Variants in HHLA2 observed in about 807,000 individuals in gnomAD.
HHLA2 encodes the protein HHLA2 member of B7 family.
HHLA2 carries 48 observed loss-of-function variants against 45.9 expected under a neutral mutation model. The observed-to-expected ratio is 1.05, with a 90% CI of 0.83 to 1.33. The LOEUF (loss-of-function observed/expected upper bound fraction) is 1.33, where lower values mean the gene tolerates loss of function less well. HHLA2 is among the 40% of genes most tolerant of loss of function. The pLI is 0.00. For missense variants in HHLA2, 462 were observed against 494.3 expected, an observed-to-expected ratio of 0.93 and a Z score of 0.62; for synonymous variants, 161 against 173.9, an observed-to-expected ratio of 0.93 and a Z score of 0.59.
At chr3:108,335,359 A>G (rs1467224924) in intron 3 of HHLA2, among the ~76,000 whole-genome samples, 1 of 152,174 alleles carries the variant, frequency 6.6e-6, no homozygotes, top group Admixed American at 6.5e-5. Context: ...TCCCTTTAAC[A>G]AGCTATTGAG....
chr3:108,376,518 G>A (rs2124736), exon 10 of HHLA2: 343,665 of 1,609,372 alleles, frequency 0.21, 41,128 homozygotes, highest in Non-Finnish European at 0.24. Context: ...CTCCTGGTGA[G>A]CGCTGTCCCA....
chr3:108,327,071 C>T (rs1012586458), intron 2 of HHLA2, among the ~76,000 whole-genome samples: 1 of 152,114 alleles, frequency 6.6e-6, no homozygotes, highest in African/African-American at 2.4e-5. Flanking sequence ...ATTTTTGCTA[C>T]AATTTTGGGT....
exon 11 of HHLA2, chr3:108,377,682 T>A (rs1346427417): frequency 6.1e-6 from 1 of 164,292 alleles, no homozygotes; most frequent in African/African-American, 2.4e-5. Flanking sequence ...AGAGCCAAAG[T>A]CACCTTAGTG....
intron 3 of HHLA2, among the ~76,000 whole-genome samples, chr3:108,338,454 G>A (rs917143616): frequency 1.3e-5 from 2 of 151,790 alleles, no homozygotes; most frequent in African/African-American, 4.8e-5. Flanking sequence ...ATGAGGACAT[G>A]CTTGTTGGGG....
chr3:108,372,790 T>C (rs903274040), intron 8 of HHLA2, among the ~76,000 whole-genome samples: 2 of 152,216 alleles, frequency 1.3e-5, no homozygotes, highest in African/African-American at 2.4e-5. Flanking sequence ...AGAAGTTGAA[T>C]CTCTGAATAG....
intron 8 of HHLA2, among the ~76,000 whole-genome samples, chr3:108,366,680 C>T (rs956169026): frequency 4.6e-5 from 7 of 152,094 alleles, no homozygotes; most frequent in South Asian, 2.1e-4. Context: ...TTCAGAGATT[C>T]GACTTCTTCC....
At chr3:108,364,898 C>T (rs114467525) in intron 8 of HHLA2, among the ~76,000 whole-genome samples, 12,097 of 152,124 alleles carry the variant, frequency 0.08, 663 homozygotes, top group African/African-American at 0.16. Flanking sequence ...GGATATTAGA[C>T]TTTTGTCAGA....
At chr3:108,374,604 A>G (rs2082239577) in intron 8 of HHLA2, among the ~76,000 whole-genome samples, 1 of 152,002 alleles carries the variant, frequency 6.6e-6, no homozygotes, top group African/African-American at 2.4e-5. Context: ...AATAACCAGA[A>G]TCTACAATGA....
intron 2 of HHLA2, among the ~76,000 whole-genome samples, chr3:108,312,530 G>A (rs1251316784): frequency 1.3e-5 from 2 of 152,072 alleles, no homozygotes; most frequent in East Asian, 1.9e-4. Context: ...ATTTACCTTT[G>A]CCCAGAGATG....
chr3:108,333,248 T>A (rs1386922616), intron 3 of HHLA2, among the ~76,000 whole-genome samples: 1 of 152,130 alleles, frequency 6.6e-6, no homozygotes, highest in Non-Finnish European at 1.5e-5. Flanking sequence ...AGTCACATAG[T>A]CATTAAGTAG....
chr3:108,308,296 C>CATA (rs1296701000), intron 1 of HHLA2, among the ~76,000 whole-genome samples: 2 of 152,192 alleles, frequency 1.3e-5, no homozygotes, highest in Non-Finnish European at 2.9e-5. Context: ...TTTCACTTAA[C>CATA]ATAATAATCT....
chr3:108,331,376 G>T (rs2081383090), intron 3 of HHLA2, among the ~76,000 whole-genome samples: 1 of 152,090 alleles, frequency 6.6e-6, no homozygotes, highest in Admixed American at 6.5e-5. Flanking sequence ...TTCATCCATT[G>T]TTAATATTTT....
At chr3:108,306,377 C>A (rs1181264755) in intron 1 of HHLA2, among the ~76,000 whole-genome samples, 1 of 152,052 alleles carries the variant, frequency 6.6e-6, no homozygotes, top group Admixed American at 6.6e-5. Flanking sequence ...TATCTCTTTT[C>A]CTGAGTGAAA....
chr3:108,355,411 G>A lies in HHLA2; in HGVS notation c.685+30G>A, dbSNP rs758871484. On this transcript the variant is annotated intron_variant, in intron 6 of 10. Transcript: ENST00000619531. ...GCTCCACAGGACTTTCTGTGTACAC[G>A]TGCTGTTTCAAAGTTGGGGGGTAAT... The A allele has an allele frequency of 1.9e-5, 30 of 1,588,358 alleles. 1 individual carries two copies. In the East Asian group the frequency reaches 4.7e-4, roughly 25 times the overall value.
chr3:108,364,197 A>G (rs1299784937), intron 8 of HHLA2, among the ~76,000 whole-genome samples: 1 of 151,954 alleles, frequency 6.6e-6, no homozygotes, highest in African/African-American at 2.4e-5. Flanking sequence ...CCTGTGTCCA[A>G]GTGATCTCAT....
At chr3:108,328,252 C>G in intron 2 of HHLA2, 1 of 1,293,490 alleles carries the variant, frequency 7.7e-7, no homozygotes, top group Non-Finnish European at 1.0e-6. Flanking sequence ...TCACCTTAAT[C>G]TAATTTTATC....
In HHLA2 at chr3:108,353,533, C is replaced by T. The variant is rs370821029; in HGVS notation, c.171C>T (p.Ser57=). Residue 57 remains serine, a synonymous_variant, in exon 5 of 11, where the codon TCC becomes TCT. Transcript: ENST00000619531. Reference sequence around the variant, plus strand: ...TCCCTTCTTCATTTGAGAGGGGATCCGAAGTCGTAATACACTGGAAGTATC... The same window carrying T: ...TCCCTTCTTCATTTGAGAGGGGATCTGAAGTCGTAATACACTGGAAGTATC... The T allele has an allele frequency of 2.2e-5, 36 of 1,612,714 alleles. No individual in the cohort carries two copies. The African/African-American group carries it at 3.5e-4, about 16-fold the overall frequency.
chr3:108,360,852 A>G (rs1357844970), intron 7 of HHLA2, among the ~76,000 whole-genome samples: 2 of 152,250 alleles, frequency 1.3e-5, no homozygotes, highest in Admixed American at 6.5e-5. Context: ...GAATTTCAGA[A>G]TGACACAAAT....
chr3:108,378,188 T>G (rs1323853446), exon 11 of HHLA2: 2 of 152,162 alleles, frequency 1.3e-5, no homozygotes, highest in Non-Finnish European at 2.9e-5. Context: ...CCAAAACCTA[T>G]AAGAACTAAT....
Sources: gnomAD v4.1 joint callset for allele counts (sites outside exome capture counted in the v4.1 genomes callset) on GRCh38, gnomAD v4.1.1 for gene constraint, MANE v1.5 for transcripts, NCBI Gene and HGNC (gene_info 2026-07-23, HGNC 2026-07-21) for gene names.